Variants in WDFY1 observed in about 807,000 individuals in gnomAD.
WDFY1 encodes WD repeat and FYVE domain-containing protein 1.
In WDFY1, 32 loss-of-function variants were observed where a neutral mutation model predicts 56.4. The observed-to-expected ratio is 0.57, with a 90% confidence interval of 0.43 to 0.76. The LOEUF (loss-of-function observed/expected upper bound fraction) is 0.76. Among genes scored for constraint, WDFY1 ranks in the 30% least tolerant of loss-of-function variants. The pLI, the probability that WDFY1 is intolerant of heterozygous loss-of-function variation, is 0.00. For missense variants in WDFY1, 480 were observed against 545.7 expected (o/e 0.88, Z 1.20); for synonymous variants, 192 against 197.3 (o/e 0.97, Z 0.23).
intron 1 of WDFY1, among the ~76,000 whole-genome samples, chr2:223,928,518 G>A (rs1478788119): frequency 6.6e-6 from 1 of 152,156 alleles, no homozygotes. Context: ...CCTCCCCAGT[G>A]AGCCACAATT....
chr2:223,944,315 C>G (rs1574786865), intron 1 of WDFY1, among the ~76,000 whole-genome samples: 1 of 152,234 alleles, frequency 6.6e-6, no homozygotes, highest in Non-Finnish European at 1.5e-5. Context: ...GGAACTGACC[C>G]GGGAGGGCCA....
At chr2:223,924,285 C>A (rs1693940793) in intron 1 of WDFY1, among the ~76,000 whole-genome samples, 1 of 152,198 alleles carries the variant, frequency 6.6e-6, no homozygotes, top group African/African-American at 2.4e-5. Flanking sequence ...CAATATCTTC[C>A]AGGAACAGAT....
At position 223,894,219 on chromosome 2, in the gene WDFY1, G is replaced by A. The variant is rs1190280278; in HGVS notation, c.831+15C>T. 2.5e-6 allele frequency: 4 copies of A among 1,613,798 alleles called. No individual in the cohort carries two copies. In the South Asian group the frequency reaches 4.4e-5, roughly 18 times the overall value. ...GGTCTCCCCCGATCAGCCTGGACTTGCCCTTGTCTCTTACCTCTTCTCTGC... is the reference window on the plus strand; with the variant it reads ...GGTCTCCCCCGATCAGCCTGGACTTACCCTTGTCTCTTACCTCTTCTCTGC... On this transcript the variant is annotated intron_variant, in intron 8 of 11. Transcript: ENST00000233055.
chr2:223,878,612 G>A lies in WDFY1; in HGVS notation c.*59C>T. 1.5e-6 allele frequency: 2 copies of A among 1,325,632 alleles called. No homozygotes were observed. Among genetic ancestry groups the A allele is most frequent in the Non-Finnish European group, 2.2e-6 (2 of 920,392 alleles). The allele number at this position is 1,325,632 out of a possible 1,614,324, so 82.1% of individuals were successfully genotyped here. A position where few individuals can be genotyped will look rare whatever the true frequency, so the allele number is the denominator to read the frequency against. On this transcript the variant is annotated 3_prime_UTR_variant, in exon 12 of 12. Coordinates refer to ENST00000233055, the MANE Select transcript of WDFY1 (RefSeq NM_020830.5). Reference sequence around the variant, plus strand: ...GAGACAGCGCTGTGGAGCTGCGTGAGAGGGACTTCATTTGGTGGAGCTGCT... The same window carrying A: ...GAGACAGCGCTGTGGAGCTGCGTGAAAGGGACTTCATTTGGTGGAGCTGCT...
In WDFY1 at chr2:223,945,320, C is replaced by T; in HGVS notation, c.-36G>A. 2 of 1,536,698 alleles carry T rather than the reference C, an allele frequency of 1.3e-6. No homozygotes were observed. The highest frequency in any genetic ancestry group is 1.7e-6 in the Non-Finnish European group (2 of 1,150,708). On this transcript the variant is annotated 5_prime_UTR_variant, in exon 1 of 12. Coordinates refer to ENST00000233055, the MANE Select transcript of WDFY1 (RefSeq NM_020830.5). ...CGACTGCTGCGGCCTCCTCGGCAGG[C>T]AGCCCATCAGCTGACGCCTGGGCGG...
rs529530576 is a variant in WDFY1, at chr2:223,880,436, G to A, written c.1065-204C>T. On this transcript the variant is annotated intron_variant, in intron 10 of 11. Transcript: ENST00000233055. Reference sequence around the variant, plus strand: ...AGCCTGGTCAACATGGTGAAACCCCGTCTCTACTAAAAATATAAAAATTAG... The same window carrying A: ...AGCCTGGTCAACATGGTGAAACCCCATCTCTACTAAAAATATAAAAATTAG... Among the ~76,000 whole-genome samples the A allele has an allele frequency of 1.4e-3, 217 of 151,950 alleles. 3 individuals carry two copies. Among genetic ancestry groups the A allele is most frequent in the Middle Eastern group, 6.8e-3 (2 of 292 alleles).
chr2:223,878,736 A>C lies in WDFY1; in HGVS notation c.1174-6T>G, dbSNP rs200873385. The C allele has an allele frequency of 6.2e-7, 1 of 1,611,766 alleles. No homozygotes were observed. The highest frequency in any genetic ancestry group is 1.3e-5 in the African/African-American group (1 of 74,892). ...ACAGGTGTCATGTCCCAGATCTACA[A>C]GGAAGGAAGAAACGCAGAAAAGGCA... On this transcript the variant is annotated splice_polypyrimidine_tract_variant and splice_region_variant and intron_variant, in intron 11 of 11. Coordinates refer to ENST00000233055, the MANE Select transcript of WDFY1 (RefSeq NM_020830.5).
At chr2:223,881,219 G>A (rs1693064395) in intron 10 of WDFY1, among the ~76,000 whole-genome samples, 1 of 152,192 alleles carries the variant, frequency 6.6e-6, no homozygotes, top group Non-Finnish European at 1.5e-5. Flanking sequence ...GGTCTCTAGA[G>A]TTTTCCCAGT....
chr2:223,897,386 A>ATTTT lies in WDFY1; in HGVS notation c.598+1571_598+1572insAAAA, dbSNP rs1321548675. Among the ~76,000 whole-genome samples, 796 of 124,120 alleles carry ATTTT rather than the reference A, an allele frequency of 6.4e-3. 32 individuals carry two copies. The highest frequency in any genetic ancestry group is 9.8e-3 in the Non-Finnish European group (597 of 61,220). 81.4% of individuals were successfully genotyped at this position (124,120 alleles called of 152,430 possible). A position where few individuals can be genotyped will look rare whatever the true frequency, so the allele number is the denominator to read the frequency against. On this transcript the variant is annotated intron_variant, in intron 6 of 11. Coordinates refer to ENST00000233055, the MANE Select transcript of WDFY1 (RefSeq NM_020830.5). ...TATATATATATATATATATATATAT[A>ATTTT]TATATTTTTTAAGACGGAGTCTCTC...
intron 4 of WDFY1, among the ~76,000 whole-genome samples, chr2:223,901,939 G>C (rs1350169868): frequency 6.6e-6 from 1 of 152,190 alleles, no homozygotes; most frequent in African/African-American, 2.4e-5. Context: ...GAATGAGGAA[G>C]GTATTCTGTC....
chr2:223,880,454 A>C (rs1287779066), intron 10 of WDFY1, among the ~76,000 whole-genome samples: 1 of 152,002 alleles, frequency 6.6e-6, no homozygotes, highest in African/African-American at 2.4e-5. Context: ...TAAAAATATA[A>C]AAATTAGCTC....
chr2:223,939,584 C>T (rs1165420557), intron 1 of WDFY1, among the ~76,000 whole-genome samples: 1 of 152,156 alleles, frequency 6.6e-6, no homozygotes, highest in African/African-American at 2.4e-5. Context: ...GAAGACATGT[C>T]TTACATGGTA....
intron 2 of WDFY1, among the ~76,000 whole-genome samples, chr2:223,917,381 TGAG>T (rs1369708710): frequency 6.6e-6 from 1 of 150,482 alleles, no homozygotes; most frequent in Non-Finnish European, 1.5e-5. Context: ...AAAGAAAAAC[TGAG>T]GAGAACATGT....
intron 7 of WDFY1, among the ~76,000 whole-genome samples, chr2:223,894,906 T>G (rs1693336982): frequency 6.6e-6 from 1 of 152,182 alleles, no homozygotes; most frequent in Admixed American, 6.5e-5. Flanking sequence ...TCAGCTTGAC[T>G]GTGATTATAG....
chr2:223,884,875 T>G, intron 8 of WDFY1, 126 bp from the exon 9 acceptor site: 12 of 849,794 alleles, frequency 1.4e-5, no homozygotes, highest in East Asian at 2.7e-5. Flanking sequence ...TTTTTTTTTT[T>G]GGTCTCCCAG....
intron 1 of WDFY1, among the ~76,000 whole-genome samples, chr2:223,936,353 C>T (rs1237295218): frequency 2.6e-5 from 4 of 152,200 alleles, no homozygotes; most frequent in Admixed American, 6.5e-5. Flanking sequence ...TGAGCCACTG[C>T]GCCCGGCCCC....
chr2:223,889,793 A>G (rs1028329250), intron 8 of WDFY1, among the ~76,000 whole-genome samples: 1 of 152,252 alleles, frequency 6.6e-6, no homozygotes, highest in Non-Finnish European at 1.5e-5. Context: ...TAAGTGAGTT[A>G]ATATTTGGGA....
In WDFY1 at chr2:223,878,356, GTTT is replaced by G; in HGVS notation, c.*312_*314del. Reference sequence around the variant, plus strand: ...GAAGGTTCTAAGCATTCACTTTTTTGTTTGATTTTTTGTCCCCGCTAAAACTCA... The same window carrying G: ...GAAGGTTCTAAGCATTCACTTTTTTGGATTTTTTGTCCCCGCTAAAACTCA... On this transcript the variant is annotated 3_prime_UTR_variant, in exon 12 of 12. Coordinates refer to ENST00000233055, the MANE Select transcript of WDFY1 (RefSeq NM_020830.5). The G allele has an allele frequency of 4.5e-6, 1 of 224,336 alleles. No homozygotes were observed. Among genetic ancestry groups the G allele is most frequent in the Non-Finnish European group, 8.8e-6 (1 of 113,460 alleles). The allele number at this position is 224,336 out of a possible 1,614,324, so 13.9% of individuals were successfully genotyped here.
chr2:223,880,351 A>T (rs1693044500), intron 10 of WDFY1, 119 bp from the exon 11 acceptor site: 1 of 805,832 alleles, frequency 1.2e-6, no homozygotes, highest in African/African-American at 1.7e-5. Flanking sequence ...TCATGTCTGT[A>T]CCCCCAGCAC....
Sources: allele counts gnomAD v4.1 joint callset (sites outside exome capture counted in the v4.1 genomes callset), GRCh38; gene constraint gnomAD v4.1.1; transcripts MANE v1.5; gene names NCBI Gene and HGNC (gene_info 2026-07-23, HGNC 2026-07-21).